The following MAST4 variants were observed in gnomAD, a reference collection of about 807,000 sequenced individuals.
MAST4 encodes the protein microtubule associated serine/threonine kinase family member 4.
In MAST4, 89 loss-of-function variants were observed where a neutral mutation model predicts 162.7. The ratio of observed to expected loss-of-function variants is 0.55; its 90% confidence interval spans 0.46 to 0.65. The LOEUF is 0.65. Among genes scored for constraint, MAST4 ranks in the 30% least tolerant of loss-of-function variants. The probability of loss-of-function intolerance (pLI) is 0.00; values close to 1 mark genes in which losing one functional copy is unlikely to be tolerated. For missense variants in MAST4, 3,153 were observed against 3,374.0 expected (o/e 0.93, Z 1.62); for synonymous variants, 1,479 against 1,361.1 (o/e 1.09, Z -1.91).
rs1751401630 is a variant in MAST4, at chr5:66,724,523, C to T, written c.364-35186C>T. The stretch of plus-strand genomic sequence containing the variant: ...CAAATAGTATTATGGTCATGTGTCA[C>T]TCATGAATGGGGATATGTTCTGAGA... On this transcript the variant is annotated intron_variant, in intron 1 of 28. Transcript: ENST00000403625. 2.0e-5 allele frequency among the ~76,000 whole-genome samples: 3 copies of T among 152,212 alleles called. No individual in the cohort carries two copies. The South Asian group carries it at 6.2e-4, about 32-fold the overall frequency.
intron 1 of MAST4, among the ~76,000 whole-genome samples, chr5:66,748,147 A>AT (rs933882691): frequency 6.6e-6 from 1 of 151,714 alleles, no homozygotes; most frequent in Non-Finnish European, 1.5e-5. Context: ...AACTGAAAGG[A>AT]TTTTCTCTAG....
At chr5:66,845,359 AC>A (rs1459479173) in intron 3 of MAST4, among the ~76,000 whole-genome samples, 1 of 151,640 alleles carries the variant, frequency 6.6e-6, no homozygotes, top group Non-Finnish European at 1.5e-5. Context: ...ATGAGTAAGA[AC>A]ATGCAGTGTT....
At chr5:67,033,857 G>A (rs185110705) in intron 4 of MAST4, among the ~76,000 whole-genome samples, 43 of 152,204 alleles carry the variant, frequency 2.8e-4, no homozygotes, top group African/African-American at 9.6e-4. Flanking sequence ...TTGTGAATCC[G>A]CATCTACGTA....
intron 4 of MAST4, among the ~76,000 whole-genome samples, chr5:66,943,352 C>T (rs1743584931): frequency 1.3e-5 from 2 of 152,090 alleles, no homozygotes; most frequent in Non-Finnish European, 2.9e-5. Context: ...AGCAAAAATG[C>T]ATGTTCTCAT....
intron 3 of MAST4, among the ~76,000 whole-genome samples, chr5:66,868,381 G>A (rs1309854177): frequency 6.6e-6 from 1 of 151,502 alleles, no homozygotes; most frequent in African/African-American, 2.4e-5. Flanking sequence ...CAAAGTCTCA[G>A]TGTCACCAAA....
At chr5:67,074,654 G>A (rs953050877) in intron 5 of MAST4, among the ~76,000 whole-genome samples, 9 of 152,134 alleles carry the variant, frequency 5.9e-5, no homozygotes, top group African/African-American at 1.9e-4. Flanking sequence ...AGCATAGGAA[G>A]ATTGTAATTA....
intron 1 of MAST4, among the ~76,000 whole-genome samples, chr5:66,609,867 A>G (rs969302022): frequency 9.2e-5 from 14 of 151,934 alleles, no homozygotes; most frequent in African/African-American, 3.1e-4. Context: ...TGTGAAGCCA[A>G]CCAAAAGAAA....
At chr5:67,103,211 G>A (rs914083156) in intron 9 of MAST4, among the ~76,000 whole-genome samples, 1 of 152,212 alleles carries the variant, frequency 6.6e-6, no homozygotes, top group African/African-American at 2.4e-5. Flanking sequence ...CCTGCTCTCA[G>A]ATGGTCCCAT....
At chr5:66,632,326 A>AT (rs1224753259) in intron 1 of MAST4, among the ~76,000 whole-genome samples, 1 of 151,780 alleles carries the variant, frequency 6.6e-6, no homozygotes, top group African/African-American at 2.4e-5. Context: ...TTTTAATGGC[A>AT]TTTTTTTAAA....
At chr5:66,847,818 C>G (rs142229303) in intron 3 of MAST4, among the ~76,000 whole-genome samples, 5 of 27,106 alleles carry the variant, frequency 1.8e-4, no homozygotes, top group Admixed American at 5.6e-4. Context: ...AAGACTCCTT[C>G]TCAAAAAAAA....
chr5:67,037,350 T>C (rs1224561622), intron 4 of MAST4, among the ~76,000 whole-genome samples: 1 of 152,242 alleles, frequency 6.6e-6, no homozygotes, highest in Admixed American at 6.5e-5. Context: ...CCTTGTTCTC[T>C]TTTGAAATGC....
intron 1 of MAST4, among the ~76,000 whole-genome samples, chr5:66,611,357 A>T (rs576492369): frequency 6.6e-6 from 1 of 152,338 alleles, no homozygotes; most frequent in African/African-American, 2.4e-5. Flanking sequence ...GAGTTTGTGG[A>T]CGGATGTCTG....
chr5:66,596,852 C>T lies in MAST4; in HGVS notation c.197C>T (p.Pro66Leu). 7.7e-7 allele frequency: 1 copy of T among 1,292,788 alleles called. No homozygotes were observed. Among genetic ancestry groups the T allele is most frequent in the Non-Finnish European group, 9.8e-7 (1 of 1,020,846 alleles). The allele number at this position is 1,292,788 out of a possible 1,614,324, so 80.1% of individuals were successfully genotyped here. The change falls in exon 1 of 29, where the codon CCG (proline) becomes CTG (leucine). Residue 66 changes from proline to leucine, a missense_variant. Around this residue, in one of 7 missense-constraint regions of MAST4, gnomAD observed 327 missense variants for 336.5 expected, o/e 0.97. Coordinates refer to ENST00000403625, the MANE Select transcript of MAST4 (RefSeq NM_001164664.2). The part of the protein sequence containing the change: ...GFSREHQPPP[P>L]PPLGGTLGAR... ...TCCAGAGAGCATCAGCCGCCGCCGC[C>T]GCCGCCGTTGGGAGGCACCCTGGGC...
intron 3 of MAST4, among the ~76,000 whole-genome samples, chr5:66,839,965 A>G (rs959257811): frequency 4.0e-5 from 6 of 148,158 alleles, no homozygotes; most frequent in African/African-American, 1.5e-4. Flanking sequence ...CATATTGACA[A>G]TTTTTTTTTT....
intron 1 of MAST4, among the ~76,000 whole-genome samples, chr5:66,721,647 T>C (rs1321951995): frequency 1.3e-5 from 2 of 150,472 alleles, no homozygotes; most frequent in Non-Finnish European, 3.0e-5. Context: ...TATAAACTTA[T>C]AGCTCCCGAA....
chr5:66,750,557 C>G (rs532850600), intron 1 of MAST4, among the ~76,000 whole-genome samples: 61 of 152,318 alleles, frequency 4.0e-4, no homozygotes, highest in Admixed American at 6.5e-4. Context: ...AAAATCGGGT[C>G]ACTCCCACCC....
At chr5:66,636,811 G>A (rs1026067922) in intron 1 of MAST4, among the ~76,000 whole-genome samples, 1 of 152,206 alleles carries the variant, frequency 6.6e-6, no homozygotes, top group South Asian at 2.1e-4. Flanking sequence ...GAGGTGCTGA[G>A]ATTGTCCTTA....
chr5:66,701,071 A>C (rs1453688622), intron 1 of MAST4, among the ~76,000 whole-genome samples: 1 of 152,284 alleles, frequency 6.6e-6, no homozygotes, highest in South Asian at 2.1e-4. Flanking sequence ...TAATGTAATT[A>C]AGTAATTACC....
In MAST4 at chr5:67,164,771, A is replaced by C. The variant is rs374303595; in HGVS notation, c.5592A>C (p.Leu1864Phe). 14 of 1,613,888 alleles carry C rather than the reference A, an allele frequency of 8.7e-6. No homozygotes were observed. In the African/African-American group the frequency reaches 1.5e-4, roughly 17 times the overall value. The change falls in exon 29 of 29, where the codon TTA (leucine) becomes TTC (phenylalanine). Residue 1864 changes from leucine to phenylalanine, a missense_variant. Leu to Phe is a conservative substitution (Grantham distance 22). This residue lies in a region of MAST4 where 1,644 missense variants were observed against 1,495.0 expected (regional missense o/e 1.10). Transcript: ENST00000403625. This position sits in a 1 kb window ranked among gnomAD's most constrained non-coding sequence, Gnocchi z 5.3. Reference sequence around the variant, plus strand: ...CAAGAGAGCTTTCTCCTTCCAGCTTAAAGATGAATAAATCCTACCTGCTGG... The same window carrying C: ...CAAGAGAGCTTTCTCCTTCCAGCTTCAAGATGAATAAATCCTACCTGCTGG... ...TSARELSPSS[L>F]KMNKSYLLEP...
Sources: allele counts gnomAD v4.1 joint callset (sites outside exome capture counted in the v4.1 genomes callset), GRCh38; gene constraint gnomAD v4.1.1; regional missense constraint gnomAD v4.1.1; non-coding constraint Gnocchi (gnomAD v3.1); transcripts MANE v1.5; gene names NCBI Gene and HGNC (gene_info 2026-07-23, HGNC 2026-07-21).